KSR1: variants seen among roughly 807,000 people sequenced by gnomAD.
KSR1 encodes kinase suppressor of ras 1, also known as kinase suppressor of ras.
A neutral mutation model predicts 92.9 loss-of-function variants in KSR1; 35 were observed. That is an observed-to-expected ratio of 0.38 (90% confidence interval 0.29 to 0.50). The LOEUF is 0.50. KSR1 is among the 20% of genes least tolerant of loss of function. KSR1 has a pLI of 0.94. For synonymous variants in KSR1, 467 were observed against 472.6 expected (o/e 0.99, Z 0.15); for missense variants, 972 against 1,158.5 (o/e 0.84, Z 2.34).
At chr17:27,600,480 TA>T (rs1414979770) in intron 10 of KSR1, among the ~76,000 whole-genome samples, 2 of 152,062 alleles carry the variant, frequency 1.3e-5, no homozygotes, top group Admixed American at 1.3e-4. Context: ...TAAAAATGAT[TA>T]AAAGTACAAT....
intron 1 of KSR1, among the ~76,000 whole-genome samples, chr17:27,468,197 A>G (rs2019795880): frequency 1.3e-5 from 2 of 151,576 alleles, no homozygotes; most frequent in South Asian, 4.2e-4. Flanking sequence ...ACCTCTGTGT[A>G]GTGATTACCC....
chr17:27,576,939 T>C (rs1257379900), intron 2 of KSR1, among the ~76,000 whole-genome samples: 1 of 152,184 alleles, frequency 6.6e-6, no homozygotes, highest in African/African-American at 2.4e-5. Context: ...GCAGGTGACA[T>C]AATCTCTCTG....
chr17:27,619,137 C>T (rs944969991), intron 19 of KSR1, among the ~76,000 whole-genome samples: 1 of 152,116 alleles, frequency 6.6e-6, no homozygotes, highest in Admixed American at 6.6e-5. Context: ...AAGAAAGCCC[C>T]TGAGGCCCCC....
intron 3 of KSR1, among the ~76,000 whole-genome samples, chr17:27,581,545 T>C (rs1376835537): frequency 3.3e-5 from 5 of 152,012 alleles, no homozygotes; most frequent in African/African-American, 1.2e-4. Context: ...TCCACCTTCT[T>C]CCATAGCTGG....
chr17:27,476,263 G>A (rs1035451251), intron 1 of KSR1, among the ~76,000 whole-genome samples: 4 of 152,158 alleles, frequency 2.6e-5, no homozygotes, highest in East Asian at 3.8e-4. Flanking sequence ...GGAATAAAAC[G>A]GAGAGTTGGT....
At chr17:27,509,323 C>T (rs1416331273) in intron 1 of KSR1, among the ~76,000 whole-genome samples, 1 of 151,680 alleles carries the variant, frequency 6.6e-6, no homozygotes, top group East Asian at 1.9e-4. Flanking sequence ...CAGAGTTTCG[C>T]TTTGTTGCCC....
Position 27,582,794 on chromosome 17 carries a change from G to C in KSR1, c.669G>C (p.Gln223His), listed in dbSNP as rs1368398059. 2 of 1,613,620 alleles carry C rather than the reference G, an allele frequency of 1.2e-6. No homozygotes were observed. The highest frequency in any genetic ancestry group is 1.7e-6 in the Non-Finnish European group (2 of 1,179,744). Residue 223 changes from glutamine to histidine, a missense_variant, in exon 4 of 21, where the codon CAG becomes CAC. By Grantham distance (24) the Gln-to-His change is conservative (BLOSUM62 0). Coordinates refer to ENST00000644974, the MANE Select transcript of KSR1 (RefSeq NM_001394583.1). ...TGGGCAGAGCAGGCAACAGCGCCCA[G>C]GGCCCACGCTCCATCTCCGTGTCAG... ...SQLGRAGNSAQGPRSISVSAL... is the reference protein window; with the variant it reads ...SQLGRAGNSAHGPRSISVSAL...
intron 1 of KSR1, among the ~76,000 whole-genome samples, chr17:27,538,306 C>G (rs2070825109): frequency 6.6e-6 from 1 of 152,204 alleles, no homozygotes; most frequent in Non-Finnish European, 1.5e-5. Flanking sequence ...TGCAGCTGAA[C>G]AGGGATACTG....
At chr17:27,557,992 A>G (rs1394928720) in intron 2 of KSR1, 1 of 152,524 alleles carries the variant, frequency 6.6e-6, no homozygotes, top group East Asian at 1.9e-4. Flanking sequence ...CTTTTCTTCC[A>G]TGGATTTTGG....
Position 27,577,749 on chromosome 17 carries a change from G to A in KSR1, c.520+110G>A. ...GCAAGCGTGGCCCAGGGTTTCTGGGGCAGCCTGGAAAGGCCAGGGTTGGAT... is the reference window on the plus strand; with the variant it reads ...GCAAGCGTGGCCCAGGGTTTCTGGGACAGCCTGGAAAGGCCAGGGTTGGAT... On this transcript the variant is annotated intron_variant, in intron 3 of 20. Transcript: ENST00000644974. This position sits in a 1 kb window ranked among gnomAD's most constrained non-coding sequence, Gnocchi z 4.5. The A allele has an allele frequency of 2.1e-6, 2 of 951,828 alleles. No homozygotes were observed. Among genetic ancestry groups the A allele is most frequent in the Non-Finnish European group, 3.3e-6 (2 of 613,488 alleles). The allele number at this position is 951,828 out of a possible 1,614,324, so 59.0% of individuals were successfully genotyped here.
chr17:27,569,105 T>A (rs2072202895), intron 2 of KSR1, among the ~76,000 whole-genome samples: 1 of 152,210 alleles, frequency 6.6e-6, no homozygotes, highest in African/African-American at 2.4e-5. Context: ...TAGTGTGGGA[T>A]CTTGTGGATA....
chr17:27,582,594 T>G, intron 3 of KSR1, 52 bp from the exon 4 acceptor site: 1 of 1,521,494 alleles, frequency 6.6e-7, no homozygotes, highest in South Asian at 1.2e-5. Flanking sequence ...CCATCTCCCC[T>G]GTGAATTCCT....
chr17:27,495,216 G>C (rs532840801), intron 1 of KSR1, among the ~76,000 whole-genome samples: 47 of 152,292 alleles, frequency 3.1e-4, no homozygotes, highest in Admixed American at 3.3e-4. Context: ...CAGGGTTCTG[G>C]GGGTATATGC....
chr17:27,592,001 T>G (rs1367677062), intron 7 of KSR1, among the ~76,000 whole-genome samples: 2 of 152,164 alleles, frequency 1.3e-5, no homozygotes, highest in Non-Finnish European at 2.9e-5. Flanking sequence ...TCTGTCTAAT[T>G]CTTTTTTTGT....
chr17:27,506,556 C>T (rs2069389940), intron 1 of KSR1, among the ~76,000 whole-genome samples: 1 of 152,228 alleles, frequency 6.6e-6, no homozygotes, highest in Non-Finnish European at 1.5e-5. Context: ...CCTTCTTGGT[C>T]ATCTCTGGAG....
chr17:27,591,923 C>T (rs1456546833), intron 7 of KSR1, among the ~76,000 whole-genome samples: 2 of 152,252 alleles, frequency 1.3e-5, no homozygotes, highest in African/African-American at 4.8e-5. Context: ...CCTCACGGTC[C>T]ATTGCACAAA....
intron 11 of KSR1, chr17:27,601,980 C>G: frequency 6.4e-7 from 1 of 1,567,080 alleles, no homozygotes; most frequent in Non-Finnish European, 8.7e-7. Context: ...CATTGAGTCC[C>G]TTCTGCAAAA....
intron 1 of KSR1, among the ~76,000 whole-genome samples, chr17:27,497,184 G>A (rs961734601): frequency 1.3e-5 from 2 of 152,294 alleles, no homozygotes; most frequent in East Asian, 1.9e-4. Context: ...AAGGGCTTGC[G>A]GTTTATGTTA....
chr17:27,620,778 G>C (rs940400256), intron 19 of KSR1, among the ~76,000 whole-genome samples: 3 of 152,176 alleles, frequency 2.0e-5, no homozygotes, highest in East Asian at 1.9e-4. Flanking sequence ...GAAAGAAAAG[G>C]CTCCACTAGG....
Sources: allele counts gnomAD v4.1 joint callset (sites outside exome capture counted in the v4.1 genomes callset), GRCh38; gene constraint gnomAD v4.1.1; non-coding constraint Gnocchi (gnomAD v3.1); transcripts MANE v1.5; gene names NCBI Gene and HGNC (gene_info 2026-07-23, HGNC 2026-07-21).